Variants in ACTR3C observed in about 807,000 individuals in gnomAD.
ACTR3C encodes the protein actin-related protein 3C.
A neutral mutation model predicts 26.3 loss-of-function variants in ACTR3C; 18 were observed. That is an observed-to-expected ratio of 0.68 (90% CI 0.47 to 1.01). ACTR3C has a LOEUF of 1.01. Among genes scored for constraint, ACTR3C ranks in the 50% least tolerant of loss-of-function variants. The pLI is 0.00. For missense variants in ACTR3C, 184 were observed against 250.7 expected, an observed-to-expected ratio of 0.73 and a Z score of 1.80; for synonymous variants, 55 against 94.5, an observed-to-expected ratio of 0.58 and a Z score of 2.42.
the ACTR3C span, among the ~76,000 whole-genome samples, chr7:149,999,405 CA>C: frequency 6.6e-6 from 1 of 150,718 alleles, no homozygotes; most frequent in Non-Finnish European, 1.5e-5. Context: ...GGGCTCGCAG[CA>C]CGGCGGGAGA....
At chr7:149,884,606 A>C in the ACTR3C span, among the ~76,000 whole-genome samples, 90 of 151,118 alleles carry the variant, frequency 6.0e-4, no homozygotes, top group South Asian at 0.018. Context: ...AAAAAAAAAA[A>C]GGAATCACTT....
chr7:150,161,371 C>A, the ACTR3C span, among the ~76,000 whole-genome samples: 1 of 151,398 alleles, frequency 6.6e-6, no homozygotes, highest in Non-Finnish European at 1.5e-5. Flanking sequence ...GCCAGTCCCC[C>A]ACCCCACGAC....
chr7:150,313,704 G>A (rs1796534263), intron 1 of ACTR3C, among the ~76,000 whole-genome samples: 1 of 152,058 alleles, frequency 6.6e-6, no homozygotes, highest in Non-Finnish European at 1.5e-5. Flanking sequence ...ATGGTTGGAG[G>A]GCCTTAGAAT....
the ACTR3C span, among the ~76,000 whole-genome samples, chr7:150,227,688 G>GTT: frequency 0.015 from 1,650 of 111,292 alleles, 83 homozygotes; most frequent in African/African-American, 0.06. Flanking sequence ...TTGTGTCTGG[G>GTT]TTTTTTTTTT....
At chr7:150,004,552 T>TA in the ACTR3C span, 1 of 152,120 alleles carries the variant, frequency 6.6e-6, no homozygotes, top group East Asian at 1.9e-4. Context: ...AAGATATGAA[T>TA]ATAGTCCGAA....
chr7:150,227,646 T>C, the ACTR3C span, among the ~76,000 whole-genome samples: 2 of 151,464 alleles, frequency 1.3e-5, no homozygotes, highest in African/African-American at 4.8e-5. Flanking sequence ...CCCTGATACA[T>C]TTTCAGTTAA....
At chr7:149,883,808 G>A in the ACTR3C span, among the ~76,000 whole-genome samples, 1 of 152,214 alleles carries the variant, frequency 6.6e-6, no homozygotes, top group Non-Finnish European at 1.5e-5. Flanking sequence ...GAGCCATCAT[G>A]AGGTGCCAGG....
chr7:150,033,246 G>C, the ACTR3C span, among the ~76,000 whole-genome samples: 1 of 152,134 alleles, frequency 6.6e-6, no homozygotes, highest in Non-Finnish European at 1.5e-5. Flanking sequence ...CTGCTTGCTA[G>C]CTGGGTTGCA....
chr7:150,060,288 C>T, the ACTR3C span, among the ~76,000 whole-genome samples: 1 of 150,584 alleles, frequency 6.6e-6, no homozygotes, highest in Non-Finnish European at 1.5e-5. Context: ...AGCGTGCTGC[C>T]TTATCTTGCA....
chr7:150,219,159 C>G, the ACTR3C span, among the ~76,000 whole-genome samples: 1 of 146,940 alleles, frequency 6.8e-6, no homozygotes, highest in Non-Finnish European at 1.5e-5. Flanking sequence ...CACTTCAACT[C>G]CGAACAAGTA....
the ACTR3C span, among the ~76,000 whole-genome samples, chr7:149,967,154 C>T: frequency 6.6e-6 from 1 of 151,172 alleles, no homozygotes; most frequent in Admixed American, 6.6e-5. Flanking sequence ...CCTGCCTCAG[C>T]CTCCCTAGTA....
chr7:149,991,861 C>G, the ACTR3C span, among the ~76,000 whole-genome samples: 3 of 152,236 alleles, frequency 2.0e-5, no homozygotes, highest in Admixed American at 6.5e-5. Context: ...TCTGGAGTAG[C>G]TGGGACCGCA....
intron 6 of ACTR3C, among the ~76,000 whole-genome samples, chr7:150,252,865 A>G (rs1274178564): frequency 2.6e-5 from 4 of 152,144 alleles, no homozygotes; most frequent in East Asian, 3.8e-4. Flanking sequence ...TATTGTTTTT[A>G]TTAATATGAT....
the ACTR3C span, among the ~76,000 whole-genome samples, chr7:150,123,407 T>G: frequency 1.3e-5 from 2 of 152,126 alleles, no homozygotes; most frequent in Non-Finnish European, 2.9e-5. Context: ...AGCCCAGTAC[T>G]GATTGTGGCA....
chr7:150,035,218 C>T, the ACTR3C span, among the ~76,000 whole-genome samples: 4 of 116,744 alleles, frequency 3.4e-5, no homozygotes, highest in Admixed American at 1.6e-4. Context: ...TGCCTCCCAC[C>T]TCTGCCATGG....
chr7:149,998,269 C>G, the ACTR3C span, among the ~76,000 whole-genome samples: 3 of 150,958 alleles, frequency 2.0e-5, no homozygotes, highest in Non-Finnish European at 4.4e-5. Flanking sequence ...ATCTTTGTTT[C>G]CTTCTTGGAG....
At chr7:150,008,086 G>T in the ACTR3C span, among the ~76,000 whole-genome samples, 410 of 152,272 alleles carry the variant, frequency 2.7e-3, 2 homozygotes, top group Non-Finnish European at 2.2e-3. Context: ...CTGGAGACTC[G>T]CATTCCACGT....
chr7:150,042,729 CA>C, the ACTR3C span, among the ~76,000 whole-genome samples: 1 of 151,654 alleles, frequency 6.6e-6, no homozygotes, highest in Non-Finnish European at 1.5e-5. Context: ...CAGTTGCTGC[CA>C]AGGCCCTCTA....
At chr7:150,256,007 G>C (rs1833196134) in intron 6 of ACTR3C, among the ~76,000 whole-genome samples, 1 of 152,174 alleles carries the variant, frequency 6.6e-6, no homozygotes, top group Non-Finnish European at 1.5e-5. Flanking sequence ...ATACAAAACA[G>C]GGAAACAATG....
Sources: gnomAD v4.1 joint callset for allele counts (sites outside exome capture counted in the v4.1 genomes callset) on GRCh38, gnomAD v4.1.1 for gene constraint, MANE v1.5 for transcripts, NCBI Gene and HGNC (gene_info 2026-07-23, HGNC 2026-07-21) for gene names.